The following EXOC2 variants were observed in gnomAD, a reference collection of about 807,000 sequenced individuals.
EXOC2 encodes exocyst complex component 2, also known as SEC5-like 1.
In EXOC2, 70 loss-of-function variants were observed where a neutral mutation model predicts 131.8. The ratio of observed to expected loss-of-function variants is 0.53; its 90% CI spans 0.44 to 0.65. The LOEUF (loss-of-function observed/expected upper bound fraction) is 0.65. Among genes scored for constraint, EXOC2 ranks in the 30% least tolerant of loss-of-function variants. The probability of loss-of-function intolerance (pLI) is 0.00; values close to 1 mark genes in which losing one functional copy is unlikely to be tolerated. For missense variants in EXOC2, 923 were observed against 1,108.6 expected (o/e 0.83, Z 2.38); for synonymous variants, 411 against 398.4 (o/e 1.03, Z -0.38).
rs73719462 is a variant in EXOC2, at chr6:514,127, A to G, written c.2381-14427T>C. On this transcript the variant is annotated intron_variant, in intron 23 of 27. Coordinates refer to ENST00000230449, the MANE Select transcript of EXOC2 (RefSeq NM_018303.6). ...ACTTCAGTTTCCTTGGCTGTAAAAG[A>G]AAGGGGTGTGATAGGTCTTCTCTGC... is the stretch of plus-strand genomic sequence containing the variant. Among the ~76,000 whole-genome samples, 441 of 152,312 alleles carry G rather than the reference A, an allele frequency of 2.9e-3. 3 individuals carry two copies. Among genetic ancestry groups the G allele is most frequent in the African/African-American group, 0.01 (420 of 41,570 alleles).
At chr6:627,812 C>A (rs1761656457) in intron 4 of EXOC2, among the ~76,000 whole-genome samples, 1 of 152,064 alleles carries the variant, frequency 6.6e-6, no homozygotes, top group Non-Finnish European at 1.5e-5. Context: ...AAAAATTATC[C>A]TTTAATATTT....
intron 6 of EXOC2, among the ~76,000 whole-genome samples, chr6:612,978 A>G (rs959889402): frequency 1.6e-4 from 24 of 152,176 alleles, no homozygotes; most frequent in African/African-American, 5.3e-4. Flanking sequence ...CCACCAAAAC[A>G]AAGGAGGTGC....
At chr6:534,433 CAGAGAGAGAG>C (rs34753404) in intron 22 of EXOC2, among the ~76,000 whole-genome samples, 1 of 148,520 alleles carries the variant, frequency 6.7e-6, no homozygotes, top group Non-Finnish European at 1.5e-5. Context: ...GAGAGAGAGA[CAGAGAGAGAG>C]AGAGAGAGAG....
At chr6:642,018 G>A (rs1057060108) in intron 1 of EXOC2, among the ~76,000 whole-genome samples, 2 of 151,976 alleles carry the variant, frequency 1.3e-5, no homozygotes, top group Non-Finnish European at 2.9e-5. Flanking sequence ...AGCTAGACCC[G>A]TCCACACTGC....
intron 22 of EXOC2, among the ~76,000 whole-genome samples, chr6:541,564 T>A (rs1054926898): frequency 3.7e-5 from 5 of 134,866 alleles, no homozygotes; most frequent in African/African-American, 1.2e-4. Context: ...ATATCGCAGC[T>A]GAGGTTGAAG....
intron 25 of EXOC2, among the ~76,000 whole-genome samples, chr6:492,821 T>C (rs565447699): frequency 7.9e-5 from 12 of 152,346 alleles, no homozygotes; most frequent in African/African-American, 2.9e-4. Context: ...AAATTGATGA[T>C]GGTGATGACT....
At chr6:545,325 C>T (rs1416969878) in intron 22 of EXOC2, among the ~76,000 whole-genome samples, 2 of 152,014 alleles carry the variant, frequency 1.3e-5, no homozygotes, top group African/African-American at 4.8e-5. Context: ...TAAAAGCACT[C>T]CCTGGAATTA....
At chr6:656,658 C>T (rs759519295) in intron 1 of EXOC2, 240 of 1,607,238 alleles carry the variant, frequency 1.5e-4, no homozygotes, top group Non-Finnish European at 2.0e-4. Flanking sequence ...GGAGGACGCG[C>T]CCGCTGCGCT....
intron 22 of EXOC2, among the ~76,000 whole-genome samples, chr6:537,778 C>A (rs952643024): frequency 3.9e-5 from 6 of 152,312 alleles, no homozygotes; most frequent in Middle Eastern, 3.4e-3. Flanking sequence ...CTGGTACACA[C>A]AACTGGATGA....
At chr6:534,217 T>C (rs1220233737) in intron 22 of EXOC2, among the ~76,000 whole-genome samples, 1 of 151,888 alleles carries the variant, frequency 6.6e-6, no homozygotes, top group Admixed American at 6.5e-5. Flanking sequence ...ATGCAAAAAA[T>C]AGAAATTCAA....
intron 9 of EXOC2, 64 bp from the exon 10 acceptor site, chr6:598,187 AG>A: frequency 1.5e-6 from 2 of 1,372,568 alleles, no homozygotes; most frequent in African/African-American, 1.4e-5. Flanking sequence ...AATTTCAAAA[AG>A]CAGAATAGTA....
At chr6:546,795 G>A (rs1466016254) in intron 22 of EXOC2, among the ~76,000 whole-genome samples, 1 of 152,248 alleles carries the variant, frequency 6.6e-6, no homozygotes, top group Admixed American at 6.5e-5. Flanking sequence ...CTGATAGGCT[G>A]TTTTATTCAT....
chr6:662,998 A>AG (rs1431468288), intron 1 of EXOC2, among the ~76,000 whole-genome samples: 4 of 152,170 alleles, frequency 2.6e-5, no homozygotes, highest in Non-Finnish European at 5.9e-5. Context: ...CTCAAAAAAA[A>AG]AAACAAATCC....
rs895651945 is a variant in EXOC2 at position 579,397 on chromosome 6, G to A, written c.1193-2515C>T. Among the ~76,000 whole-genome samples, 19 of 152,062 alleles carry A rather than the reference G, an allele frequency of 1.2e-4. 1 individual carries two copies. The highest frequency in any genetic ancestry group is 2.7e-4 in the African/African-American group (11 of 41,406). On this transcript the variant is annotated intron_variant, in intron 11 of 27. Transcript: ENST00000230449. ...CTATATCAGGAAAACAAAGGTAACC[G>A]TGAACAAATTTTCCAATTGGTACCC... is the stretch of plus-strand genomic sequence containing the variant.
intron 1 of EXOC2, among the ~76,000 whole-genome samples, chr6:650,692 G>A (rs2127737385): frequency 6.6e-6 from 1 of 152,212 alleles, no homozygotes; most frequent in South Asian, 2.1e-4. Context: ...CCCTGTTAAT[G>A]AATTATTAAA....
chr6:488,674 A>ATAAG (rs1381115699), intron 27 of EXOC2, among the ~76,000 whole-genome samples: 1 of 152,104 alleles, frequency 6.6e-6, no homozygotes, highest in African/African-American at 2.4e-5. Flanking sequence ...AGTTTACTGA[A>ATAAG]TAAGTCATAG....
intron 4 of EXOC2, among the ~76,000 whole-genome samples, chr6:622,887 A>C (rs1193809885): frequency 6.6e-6 from 1 of 152,216 alleles, no homozygotes; most frequent in Non-Finnish European, 1.5e-5. Context: ...ATGCATTACT[A>C]AATTGTTATT....
chr6:645,684 T>C (rs777588463), intron 1 of EXOC2, among the ~76,000 whole-genome samples: 1 of 152,220 alleles, frequency 6.6e-6, no homozygotes. Context: ...AGAAGTGTAC[T>C]GGTAGATTTA....
intron 24 of EXOC2, 70 bp from the exon 25 acceptor site, chr6:497,559 A>C (rs1212185063): frequency 6.6e-6 from 10 of 1,513,754 alleles, no homozygotes; most frequent in Non-Finnish European, 1.8e-6. Context: ...GACAAAGTTA[A>C]CATTCAAAAC....
Sources: gnomAD v4.1 joint callset for allele counts (sites outside exome capture counted in the v4.1 genomes callset) on GRCh38, gnomAD v4.1.1 for gene constraint, MANE v1.5 for transcripts, NCBI Gene and HGNC (gene_info 2026-07-23, HGNC 2026-07-21) for gene names.